ARMC8: variants seen among roughly 807,000 people sequenced by gnomAD.
ARMC8 encodes the protein armadillo repeat-containing protein 8.
Under a neutral mutation model 99.3 loss-of-function variants are expected in ARMC8, and 20 were observed. That is an observed-to-expected ratio of 0.20 (90% confidence interval 0.14 to 0.29). ARMC8 has a LOEUF of 0.29. Among genes scored for constraint, ARMC8 ranks in the 10% least tolerant of loss-of-function variants. ARMC8 has a pLI of 1.00. For synonymous variants in ARMC8, 263 were observed against 278.3 expected, an observed-to-expected ratio of 0.95 and a Z score of 0.55; for missense variants, 569 against 809.5, an observed-to-expected ratio of 0.70 and a Z score of 3.60.
At chr3:138,223,865 A>T in intron 5 of ARMC8, 132 bp downstream of exon 5, 2 of 718,444 alleles carry the variant, frequency 2.8e-6, no homozygotes, top group South Asian at 1.7e-5. Context: ...GGCTCACACC[A>T]GTAATCCCAG....
At chr3:138,264,249 A>C (rs770785995) in intron 14 of ARMC8, 37 bp downstream of exon 14, 3 of 1,552,282 alleles carry the variant, frequency 1.9e-6, no homozygotes, top group African/African-American at 1.4e-5. Context: ...AGCTGTACTC[A>C]CAGACCCTAG....
intron 3 of ARMC8, 71 bp downstream of exon 3, chr3:138,222,068 A>G (rs138767471): frequency 5.1e-6 from 6 of 1,187,518 alleles, no homozygotes; most frequent in African/African-American, 4.6e-5. Context: ...TCTCAATTAT[A>G]GAACCCATTT....
intron 1 of ARMC8, among the ~76,000 whole-genome samples, chr3:138,199,267 G>T (rs1430506422): frequency 1.3e-5 from 2 of 152,082 alleles, no homozygotes; most frequent in African/African-American, 2.4e-5. Flanking sequence ...AGTCCTAATG[G>T]GGCTAGAAGT....
intron 15 of ARMC8, among the ~76,000 whole-genome samples, chr3:138,268,136 G>A (rs1479418884): frequency 3.3e-5 from 5 of 151,998 alleles, no homozygotes; most frequent in African/African-American, 7.3e-5. Flanking sequence ...CCAGCTACTC[G>A]GGAGGCTGAG....
At chr3:138,271,468 G>T (rs915553562) in intron 16 of ARMC8, among the ~76,000 whole-genome samples, 12 of 152,152 alleles carry the variant, frequency 7.9e-5, no homozygotes, top group Non-Finnish European at 1.8e-4. Flanking sequence ...CTTAAATGGC[G>T]TATGGGACTT....
intron 1 of ARMC8, among the ~76,000 whole-genome samples, chr3:138,198,449 T>A (rs2043861011): frequency 6.6e-6 from 1 of 151,660 alleles, no homozygotes; most frequent in Admixed American, 6.6e-5. Context: ...AGACTCCCAC[T>A]TTTTAAAAAC....
chr3:138,245,373 G>C, intron 12 of ARMC8, 190 bp downstream of exon 12: 5 of 1,439,890 alleles, frequency 3.5e-6, no homozygotes, highest in Non-Finnish European at 3.7e-6. Context: ...TTAGAACATA[G>C]AGTGGCATGG....
intron 12 of ARMC8, 28 bp from the exon 13 acceptor site, chr3:138,263,711 T>C (rs753431590): frequency 7.6e-6 from 12 of 1,571,134 alleles, no homozygotes; most frequent in Non-Finnish European, 1.1e-5. Flanking sequence ...CATGTTGTTA[T>C]TTATGCAGCA....
At chr3:138,282,625 G>A (rs1455130500) in intron 18 of ARMC8, among the ~76,000 whole-genome samples, 2 of 131,656 alleles carry the variant, frequency 1.5e-5, no homozygotes, top group African/African-American at 5.9e-5. Context: ...GACAGAGTGA[G>A]ACTCCATCTC....
At position 138,187,489 on chromosome 3, in the gene ARMC8, T is replaced by C; in HGVS notation, c.-66T>C. 2.7e-6 allele frequency: 4 copies of C among 1,505,626 alleles called. No homozygotes were observed. The highest frequency in any genetic ancestry group is 1.2e-5 in the South Asian group (1 of 83,406). The allele number at this position is 1,505,626 out of a possible 1,614,324, so 93.3% of individuals were successfully genotyped here. A position where few individuals can be genotyped will look rare whatever the true frequency, so the allele number is the denominator to read the frequency against. ...GGGAGCGGTGCCTAGCGTTGGCCAA[T>C]AGTTGGCTGTCGAAAGTGCCGGCCC... On this transcript the variant is annotated 5_prime_UTR_variant, in exon 1 of 22. Coordinates refer to ENST00000469044, the MANE Select transcript of ARMC8 (RefSeq NM_001363941.2).
chr3:138,217,470 T>C (rs900362565), intron 2 of ARMC8, among the ~76,000 whole-genome samples: 1 of 151,792 alleles, frequency 6.6e-6, no homozygotes, highest in Admixed American at 6.6e-5. Context: ...TTGGTTTTCA[T>C]CACGCTTATA....
rs944956220 is a variant in ARMC8, at chr3:138,187,564, T to G, written c.10T>G (p.Leu4Val). The G allele has an allele frequency of 5.9e-6, 9 of 1,535,740 alleles. No homozygotes were observed. Among genetic ancestry groups the G allele is most frequent in the Non-Finnish European group, 7.8e-6 (9 of 1,146,736 alleles). The change falls in exon 1 of 22, where the codon TTG (leucine) becomes GTG (valine). Residue 4 changes from leucine (L) to valine (V), a missense_variant. Transcript: ENST00000469044. MAC[L>V]LETPIRMSVL... ...GGTGGGAAGGCTCAAGATGGCGTGC[T>G]TGTTGGAGACCCCAATCCGCATGAG...
At chr3:138,206,613 TC>T (rs1293232270) in intron 1 of ARMC8, among the ~76,000 whole-genome samples, 1 of 152,216 alleles carries the variant, frequency 6.6e-6, no homozygotes, top group African/African-American at 2.4e-5. Context: ...ACGTTCTTTC[TC>T]TTATCAACCC....
intron 18 of ARMC8, among the ~76,000 whole-genome samples, chr3:138,281,627 A>T (rs890865284): frequency 3.9e-5 from 6 of 152,132 alleles, no homozygotes; most frequent in African/African-American, 1.4e-4. Context: ...TTGTCTCCAT[A>T]GGAATATTTA....
intron 12 of ARMC8, chr3:138,262,331 A>G: frequency 1.7e-6 from 1 of 582,524 alleles, no homozygotes; most frequent in Non-Finnish European, 3.0e-6. Flanking sequence ...GAGTAGATCA[A>G]TATGTAAATG....
At chr3:138,226,732 A>G (rs1262004225) in intron 5 of ARMC8, among the ~76,000 whole-genome samples, 1 of 152,140 alleles carries the variant, frequency 6.6e-6, no homozygotes, top group Non-Finnish European at 1.5e-5. Flanking sequence ...ATCCTGGCCA[A>G]CTATTTAAAC....
At chr3:138,268,784 A>C (rs2048514746) in intron 15 of ARMC8, among the ~76,000 whole-genome samples, 1 of 151,838 alleles carries the variant, frequency 6.6e-6, no homozygotes, top group Non-Finnish European at 1.5e-5. Flanking sequence ...TGAAAAAATT[A>C]AAATTAAAAA....
chr3:138,246,403 GAT>G, intron 12 of ARMC8: 5 of 985,142 alleles, frequency 5.1e-6, no homozygotes, highest in Non-Finnish European at 6.0e-6. Flanking sequence ...ACATACTAGT[GAT>G]ATATATATGA....
chr3:138,265,257 T>TC (rs967971226), intron 14 of ARMC8, among the ~76,000 whole-genome samples: 4 of 151,374 alleles, frequency 2.6e-5, no homozygotes, highest in African/African-American at 4.9e-5. Flanking sequence ...GCCCCTTTTG[T>TC]CCCCCCCAAA....
Sources: allele counts gnomAD v4.1 joint callset (sites outside exome capture counted in the v4.1 genomes callset), GRCh38; gene constraint gnomAD v4.1.1; transcripts MANE v1.5; gene names NCBI Gene and HGNC (gene_info 2026-07-23, HGNC 2026-07-21).